The following SLC30A7 variants were observed in gnomAD, a reference collection of about 807,000 sequenced individuals.
SLC30A7 encodes the protein zinc transporter 7.
A neutral mutation model predicts 46.0 loss-of-function variants in SLC30A7; 35 were observed. The ratio of observed to expected loss-of-function variants is 0.76; its 90% CI spans 0.58 to 1.01. The LOEUF (loss-of-function observed/expected upper bound fraction) is 1.01, where lower values mean the gene tolerates loss of function less well. Among genes scored for constraint, SLC30A7 ranks in the 50% least tolerant of loss-of-function variants. SLC30A7 has a pLI of 0.00. For missense variants in SLC30A7, 464 were observed against 451.1 expected, an observed-to-expected ratio of 1.03 and a Z score of -0.26; for synonymous variants, 147 against 157.8, an observed-to-expected ratio of 0.93 and a Z score of 0.51.
In SLC30A7 at chr1:100,911,063, G is replaced by A. The variant is rs368989203; in HGVS notation, c.297G>A (p.Gly99=). 8.1e-6 allele frequency: 13 copies of A among 1,604,676 alleles called. No homozygotes were observed. The highest frequency in any genetic ancestry group is 1.3e-5 in the African/African-American group (1 of 74,550). ...KWRDNDAFSY[G]YVRAEVLAGF... is the part of the protein sequence containing the mutation. ...AGTTATTTACTTTGTTCCTCTTTAG[G>A]TATGTTAGAGCGGAAGTTCTGGCTG... The change falls in exon 4 of 11, where the codon GGG becomes GGA. Residue 99 remains glycine, a splice_region_variant and synonymous_variant. Coordinates refer to ENST00000357650, the MANE Select transcript of SLC30A7 (RefSeq NM_133496.5).
chr1:100,947,721 TGG>T (rs933529654), intron 8 of SLC30A7, among the ~76,000 whole-genome samples: 3 of 152,230 alleles, frequency 2.0e-5, no homozygotes, highest in African/African-American at 7.2e-5. Context: ...TTTATGAATC[TGG>T]GTGCTCCTCT....
intron 8 of SLC30A7, among the ~76,000 whole-genome samples, chr1:100,922,181 GT>G (rs1233975870): frequency 6.6e-6 from 1 of 151,928 alleles, no homozygotes; most frequent in Non-Finnish European, 1.5e-5. Context: ...GGCCAGGCTG[GT>G]CTCAAACTCT....
chr1:100,974,368 C>T (rs1656337194), intron 10 of SLC30A7, among the ~76,000 whole-genome samples: 1 of 152,112 alleles, frequency 6.6e-6, no homozygotes, highest in Admixed American at 6.5e-5. Flanking sequence ...GTAGCAAGTT[C>T]ATATCCAAAA....
At chr1:100,945,545 T>C (rs1654585277) in intron 8 of SLC30A7, among the ~76,000 whole-genome samples, 1 of 152,356 alleles carries the variant, frequency 6.6e-6, no homozygotes, top group African/African-American at 2.4e-5. Flanking sequence ...AAATAGGGAA[T>C]CCTTTCCCCA....
intron 6 of SLC30A7, among the ~76,000 whole-genome samples, chr1:100,915,225 C>CTTTCTTTCT (rs1192923823): frequency 2.0e-5 from 2 of 102,068 alleles, no homozygotes; most frequent in South Asian, 3.1e-4. Flanking sequence ...TTCTTTCTTT[C>CTTTCTTTCT]TTTCTTTCTT....
intron 8 of SLC30A7, among the ~76,000 whole-genome samples, chr1:100,961,328 T>A (rs1655538325): frequency 6.6e-6 from 1 of 152,182 alleles, no homozygotes; most frequent in African/African-American, 2.4e-5. Context: ...TGAGGACTAG[T>A]TACATCAACA....
intron 6 of SLC30A7, 45 bp from the exon 7 acceptor site, chr1:100,918,032 A>G (rs752277468): frequency 1.3e-6 from 2 of 1,522,720 alleles, no homozygotes; most frequent in Non-Finnish European, 1.8e-6. Context: ...AAAAACTTGA[A>G]TGAGGAATTG....
chr1:100,912,348 A>G, intron 5 of SLC30A7, 110 bp downstream of exon 5: 2 of 1,213,752 alleles, frequency 1.6e-6, no homozygotes, highest in Non-Finnish European at 2.3e-6. Context: ...TCAACAGACT[A>G]TGTGAATATC....
At position 100,896,617 on chromosome 1, in the gene SLC30A7, G is replaced by T. The variant is rs1167805970; in HGVS notation, c.128G>T (p.Cys43Phe). Reference protein sequence around the residue: ...KTSRNLFFFLCLNLSFAFVEL... With the variant: ...KTSRNLFFFLFLNLSFAFVEL... ...TCCCGGAACCTGTTTTTCTTCCTGT[G>T]CCTGAACCTCTCTTTCGCTTTTGTG... Residue 43 changes from cysteine (C) to phenylalanine (F), a missense_variant, in exon 2 of 11, where the codon TGC (cysteine) becomes TTC (phenylalanine). Coordinates refer to ENST00000357650, the MANE Select transcript of SLC30A7 (RefSeq NM_133496.5). 6.2e-7 allele frequency: 1 copy of T among 1,614,082 alleles called. No homozygotes were observed. Among genetic ancestry groups the T allele is most frequent in the Middle Eastern group, 1.6e-4 (1 of 6,062 alleles).
In SLC30A7 at chr1:100,937,670, G is replaced by T. The variant is rs186679223; in HGVS notation, c.842+15829G>T. Among the ~76,000 whole-genome samples, 12 of 152,160 alleles carry T rather than the reference G, an allele frequency of 7.9e-5. No individual in the cohort carries two copies. The East Asian group carries it at 2.1e-3, about 27-fold the overall frequency. On this transcript the variant is annotated intron_variant, in intron 8 of 10. Transcript: ENST00000357650. Reference sequence around the variant, plus strand: ...GTCCATTTTTAAATTGTTTGTTGTTGTTGAATTGTGGGTGTTCTTTATATA... The same window carrying T: ...GTCCATTTTTAAATTGTTTGTTGTTTTTGAATTGTGGGTGTTCTTTATATA...
intron 5 of SLC30A7, 27 bp from the exon 6 acceptor site, chr1:100,913,632 ATACC>A: frequency 6.5e-7 from 1 of 1,531,318 alleles, no homozygotes; most frequent in Non-Finnish European, 9.0e-7. Flanking sequence ...ATATTTTTAC[ATACC>A]TTCTGTCCTA....
downstream of SLC30A7, among the ~76,000 whole-genome samples, chr1:100,985,185 A>T (rs1294074770): frequency 6.6e-6 from 1 of 152,250 alleles, no homozygotes; most frequent in South Asian, 2.1e-4. Context: ...CCTGTTGGAC[A>T]GTAAGAAATG....
intron 8 of SLC30A7, among the ~76,000 whole-genome samples, chr1:100,943,961 A>T (rs1008445740): frequency 1.3e-5 from 2 of 152,264 alleles, no homozygotes; most frequent in African/African-American, 2.4e-5. Context: ...TTTTGAAAAG[A>T]AACACTGGAA....
At chr1:100,982,175 A>G (rs763933183), downstream of SLC30A7, among the ~76,000 whole-genome samples, 2 of 152,166 alleles carry the variant, frequency 1.3e-5, no homozygotes, top group Non-Finnish European at 2.9e-5. Context: ...ACAGTATCCC[A>G]TGCACCACTC....
chr1:100,991,074 A>T, the SLC30A7 span, among the ~76,000 whole-genome samples: 2 of 152,230 alleles, frequency 1.3e-5, no homozygotes, highest in East Asian at 3.8e-4. Context: ...CTTGCCATCC[A>T]ATTAGCTGTG....
At chr1:100,993,029 G>A in the SLC30A7 span, among the ~76,000 whole-genome samples, 3 of 151,000 alleles carry the variant, frequency 2.0e-5, no homozygotes, top group African/African-American at 4.8e-5. Context: ...GATACCTTTG[G>A]TAAAAACAAT....
intron 10 of SLC30A7, among the ~76,000 whole-genome samples, chr1:100,971,126 G>T (rs1158711475): frequency 6.6e-6 from 1 of 152,072 alleles, no homozygotes; most frequent in Non-Finnish European, 1.5e-5. Flanking sequence ...TACTCAGGAA[G>T]AAACCAAAAA....
chr1:100,934,623 C>T (rs1291199576), intron 8 of SLC30A7, among the ~76,000 whole-genome samples: 3 of 151,046 alleles, frequency 2.0e-5, no homozygotes, highest in Non-Finnish European at 2.9e-5. Flanking sequence ...AAGCAGAACA[C>T]ATCTAGTGAG....
At chr1:100,928,187 G>A (rs1653430543) in intron 8 of SLC30A7, among the ~76,000 whole-genome samples, 1 of 152,194 alleles carries the variant, frequency 6.6e-6, no homozygotes, top group African/African-American at 2.4e-5. Flanking sequence ...AGGGTGTAAT[G>A]ATCTAATGGC....
Sources: gnomAD v4.1 joint callset for allele counts (sites outside exome capture counted in the v4.1 genomes callset) on GRCh38, gnomAD v4.1.1 for gene constraint, MANE v1.5 for transcripts, NCBI Gene and HGNC (gene_info 2026-07-23, HGNC 2026-07-21) for gene names.